The following GPR157 variants were observed in gnomAD, a reference collection of about 807,000 sequenced individuals.
The protein encoded by GPR157 is G-protein coupled receptor 157.
GPR157 carries 16 observed loss-of-function variants against 23.5 expected under a neutral mutation model. The ratio of observed to expected loss-of-function variants is 0.68; its 90% CI spans 0.46 to 1.04. The LOEUF (loss-of-function observed/expected upper bound fraction) is 1.04, where lower values mean the gene tolerates loss of function less well. Ranked by LOEUF, GPR157 falls within the 50% of genes least tolerant of loss-of-function variation. The pLI is 0.00. For missense variants in GPR157, 440 were observed against 460.7 expected (o/e 0.96, Z 0.41); for synonymous variants, 200 against 221.5 (o/e 0.90, Z 0.86).
At chr1:9,113,223 G>A (rs1426773561) in intron 1 of GPR157, among the ~76,000 whole-genome samples, 1 of 152,176 alleles carries the variant, frequency 6.6e-6, no homozygotes, top group Non-Finnish European at 1.5e-5. Flanking sequence ...TCTGGTTTCT[G>A]TCCTGGGAAG....
chr1:9,121,394 T>C (rs1285649846), intron 1 of GPR157, among the ~76,000 whole-genome samples: 1 of 150,326 alleles, frequency 6.7e-6, no homozygotes, highest in Non-Finnish European at 1.5e-5. Flanking sequence ...TCCCAGAACT[T>C]AGGGAGGCCG....
intron 2 of GPR157, among the ~76,000 whole-genome samples, chr1:9,110,287 C>G (rs1638451620): frequency 1.3e-5 from 2 of 152,334 alleles, no homozygotes; most frequent in East Asian, 3.9e-4. Context: ...TTTTGGGAGT[C>G]CGAGGTGGGC....
At chr1:9,121,230 G>T (rs1638791772) in intron 1 of GPR157, among the ~76,000 whole-genome samples, 1 of 152,080 alleles carries the variant, frequency 6.6e-6, no homozygotes, top group Non-Finnish European at 1.5e-5. Context: ...TACTTGGGAG[G>T]CTGAGGCAGG....
At position 9,104,569 on chromosome 1, in the gene GPR157, G is replaced by C. The variant is rs1186002301; in HGVS notation, c.858C>G (p.Val286=). Residue 286 remains valine (V), a synonymous_variant, in exon 4 of 4, where the codon GTC becomes GTG. Coordinates refer to ENST00000377411, the MANE Select transcript of GPR157 (RefSeq NM_024980.5). The stretch of plus-strand genomic sequence containing the variant: ...AACAGAGAGAGAAGAGCCGAGTTCG[G>C]ACGGCGCGGGTGCAGAGGACGAACA... The part of the protein sequence containing the change: ...CIMFVLCTRA[V]RTRLFSLCCC... 1 of 1,613,794 alleles carries C rather than the reference G, an allele frequency of 6.2e-7. No individual in the cohort carries two copies. Among genetic ancestry groups the C allele is most frequent in the East Asian group, 2.2e-5 (1 of 44,888 alleles).
intron 1 of GPR157, among the ~76,000 whole-genome samples, chr1:9,123,505 CA>C (rs1385738680): frequency 2.0e-4 from 6 of 29,338 alleles, no homozygotes; most frequent in South Asian, 1.2e-3. Flanking sequence ...ATTATATATT[CA>C]AAATATATAT....
intron 1 of GPR157, among the ~76,000 whole-genome samples, chr1:9,126,052 C>T (rs1269506910): frequency 1.3e-5 from 2 of 151,466 alleles, no homozygotes; most frequent in Non-Finnish European, 2.9e-5. Context: ...GCAACCTCCA[C>T]TTCCCAGGTT....
rs6577552 is a variant in GPR157 at position 9,122,096 on chromosome 1, A to T, written c.383+6549T>A. ...CATCACGCTGGCGCCCACCACCGTGAGGGGAGGAAGGGCTGCGCCACTCTT... is the reference window on the plus strand; with the variant it reads ...CATCACGCTGGCGCCCACCACCGTGTGGGGAGGAAGGGCTGCGCCACTCTT... On this transcript the variant is annotated intron_variant, in intron 1 of 3. Coordinates refer to ENST00000377411, the MANE Select transcript of GPR157 (RefSeq NM_024980.5). 4.9e-3 allele frequency among the ~76,000 whole-genome samples: 748 copies of T among 152,032 alleles called. 29 individuals are homozygous for T. In the East Asian group the frequency reaches 0.092, roughly 19 times the overall value.
Position 9,127,981 on chromosome 1 carries a change from A to G in GPR157, c.383+664T>C, listed in dbSNP as rs1639000714. Among the ~76,000 whole-genome samples, 4 of 152,252 alleles carry G rather than the reference A, an allele frequency of 2.6e-5. No individual in the cohort carries two copies. In the South Asian group the frequency reaches 8.3e-4, roughly 32 times the overall value. On this transcript the variant is annotated intron_variant, in intron 1 of 3. Coordinates refer to ENST00000377411, the MANE Select transcript of GPR157 (RefSeq NM_024980.5). ...TCTTGGCTTTTCCCCACTCTCAGAG[A>G]GACTCCAGGAGGACTCCGAGACTCC...
Position 9,105,377 on chromosome 1 carries a change from C to T in GPR157, c.792+109G>A. On this transcript the variant is annotated intron_variant, in intron 3 of 3. Transcript: ENST00000377411. This position sits in a 1 kb window ranked among gnomAD's most constrained non-coding sequence, Gnocchi z 4.8. ...CACAGTGGGGCCGAGCTCCTCCCTG[C>T]AGCTGTGCCTTGGCCGACACTGGGG... 1.0e-6 allele frequency: 1 copy of T among 990,770 alleles called. No homozygotes were observed. Among genetic ancestry groups the T allele is most frequent in the Non-Finnish European group, 1.5e-6 (1 of 678,040 alleles). The allele number at this position is 990,770 out of a possible 1,614,324, so 61.4% of individuals were successfully genotyped here. A position where few individuals can be genotyped will look rare whatever the true frequency, so the allele number is the denominator to read the frequency against.
At chr1:9,121,345 A>G (rs1638794960) in intron 1 of GPR157, among the ~76,000 whole-genome samples, 1 of 144,558 alleles carries the variant, frequency 6.9e-6, no homozygotes, top group African/African-American at 2.6e-5. Context: ...AAAACAAAAC[A>G]AAACAAAACA....
chr1:9,122,084 C>T (rs1220030473), intron 1 of GPR157, among the ~76,000 whole-genome samples: 2 of 152,044 alleles, frequency 1.3e-5, no homozygotes, highest in African/African-American at 4.8e-5. Flanking sequence ...CACGCTGGCG[C>T]CCACCACCGT....
rs553985223 is a variant in GPR157, at chr1:9,105,239, T to C, written c.792+247A>G. Among the ~76,000 whole-genome samples the C allele has an allele frequency of 2.0e-5, 3 of 151,980 alleles. No homozygotes were observed. Among genetic ancestry groups the C allele is most frequent in the African/African-American group, 7.2e-5 (3 of 41,454 alleles). On this transcript the variant is annotated intron_variant, in intron 3 of 3. Coordinates refer to ENST00000377411, the MANE Select transcript of GPR157 (RefSeq NM_024980.5). The surrounding 1 kb of genome is among the most constrained non-coding windows in gnomAD (Gnocchi z 4.8). ...TGGGAAGGACCCAAGATCAGTCAAC[T>C]CTCCTAGGGCTACTCCTAGGTCACT... is the stretch of plus-strand genomic sequence containing the variant.
rs556132428 is a variant in GPR157, at chr1:9,105,140, C to G, written c.792+346G>C. On this transcript the variant is annotated intron_variant, in intron 3 of 3. Transcript: ENST00000377411. This position sits in a 1 kb window ranked among gnomAD's most constrained non-coding sequence, Gnocchi z 4.8. ...GTGCTGTGTACCCCAGAACCTCCCC[C>G]CATCCTCCCCGCCATGGCTGATCTG... Among the ~76,000 whole-genome samples, 2 of 152,144 alleles carry G rather than the reference C, an allele frequency of 1.3e-5. No individual in the cohort carries two copies. Among genetic ancestry groups the G allele is most frequent in the Admixed American group, 1.3e-4 (2 of 15,278 alleles).
At chr1:9,115,905 T>G (rs1171216649) in intron 1 of GPR157, among the ~76,000 whole-genome samples, 1 of 149,810 alleles carries the variant, frequency 6.7e-6, no homozygotes, top group East Asian at 2.0e-4. Flanking sequence ...TGTCTACCGC[T>G]GCTTTCAGGC....
rs1240790424 is a variant in GPR157, at chr1:9,128,316, G to A, written c.383+329C>T. On this transcript the variant is annotated intron_variant, in intron 1 of 3. Transcript: ENST00000377411. The surrounding 1 kb of genome is among the most constrained non-coding windows in gnomAD (Gnocchi z 6.3). Reference sequence around the variant, plus strand: ...CCCCATGGGCAGCAGAGACAGCCAGGACACAGTGAAGCAGGTCACAAGGGG... The same window carrying A: ...CCCCATGGGCAGCAGAGACAGCCAGAACACAGTGAAGCAGGTCACAAGGGG... 5.1e-6 allele frequency: 3 copies of A among 588,272 alleles called. No individual in the cohort carries two copies. The Admixed American group carries it at 6.5e-5, about 13-fold the overall frequency. The allele number at this position is 588,272 out of a possible 1,614,324, so 36.4% of individuals were successfully genotyped here. A position where few individuals can be genotyped will look rare whatever the true frequency, so the allele number is the denominator to read the frequency against.
intron 1 of GPR157, among the ~76,000 whole-genome samples, chr1:9,127,120 G>T (rs937770098): frequency 6.6e-6 from 1 of 151,862 alleles, no homozygotes; most frequent in African/African-American, 2.4e-5. Flanking sequence ...CTCAAGCGAT[G>T]CTCCTGCCTC....
At chr1:9,113,538 G>A (rs1638560066) in intron 1 of GPR157, among the ~76,000 whole-genome samples, 1 of 152,114 alleles carries the variant, frequency 6.6e-6, no homozygotes, top group East Asian at 1.9e-4. Context: ...AGTCCCCACT[G>A]GCCTCTGTAG....
rs1639005072 is a variant in GPR157, at chr1:9,128,184, G to A, written c.383+461C>T. ...AGAGACACGGCAGCTCGGGAGTGGCGGAGTGCACCAAGCTCACTGTGGCTT... is the reference window on the plus strand; with the variant it reads ...AGAGACACGGCAGCTCGGGAGTGGCAGAGTGCACCAAGCTCACTGTGGCTT... On this transcript the variant is annotated intron_variant, in intron 1 of 3. Transcript: ENST00000377411. The surrounding 1 kb of genome is among the most constrained non-coding windows in gnomAD (Gnocchi z 6.3). 1.4e-5 allele frequency: 6 copies of A among 440,244 alleles called. No individual in the cohort carries two copies. Among genetic ancestry groups the A allele is most frequent in the South Asian group, 6.8e-5 (4 of 59,252 alleles). 27.3% of individuals were successfully genotyped at this position (440,244 alleles called of 1,614,324 possible).
rs1642606544 is a variant in GPR157, at chr1:9,104,273, G to A, written c.*146C>T. The A allele has an allele frequency of 1.6e-6, 1 of 630,308 alleles. No individual in the cohort carries two copies. Among genetic ancestry groups the A allele is most frequent in the Non-Finnish European group, 2.8e-6 (1 of 360,734 alleles). 39.0% of individuals were successfully genotyped at this position (630,308 alleles called of 1,614,324 possible). A position where few individuals can be genotyped will look rare whatever the true frequency, so the allele number is the denominator to read the frequency against. The stretch of plus-strand genomic sequence containing the variant: ...GGAGGTAGAAGAAGCTGAGTTGGCA[G>A]CTGCTCTCCCAATGGAGCCGAGAGC... On this transcript the variant is annotated 3_prime_UTR_variant, in exon 4 of 4. Coordinates refer to ENST00000377411, the MANE Select transcript of GPR157 (RefSeq NM_024980.5).
Sources: gnomAD v4.1 joint callset for allele counts (sites outside exome capture counted in the v4.1 genomes callset) on GRCh38, gnomAD v4.1.1 for gene constraint, Gnocchi (gnomAD v3.1) non-coding constraint, MANE v1.5 for transcripts, NCBI Gene and HGNC (gene_info 2026-07-23, HGNC 2026-07-21) for gene names.